AJAP1: variants seen among roughly 807,000 people sequenced by gnomAD.
The protein encoded by AJAP1 is adherens junction-associated protein 1.
Under a neutral mutation model 35.0 loss-of-function variants are expected in AJAP1, and 5 were observed. The ratio of observed to expected loss-of-function variants is 0.14; its 90% CI spans 0.07 to 0.30. The LOEUF is 0.30. AJAP1 is among the 10% of genes least tolerant of loss of function. The probability of loss-of-function intolerance (pLI) is 1.00; values close to 1 mark genes in which losing one functional copy is unlikely to be tolerated. For synonymous variants in AJAP1, 284 were observed against 249.3 expected, an observed-to-expected ratio of 1.14 and a Z score of -1.31; for missense variants, 586 against 571.0, an observed-to-expected ratio of 1.03 and a Z score of -0.27.
intron 2 of AJAP1, among the ~76,000 whole-genome samples, chr1:4,765,387 G>T (rs1356144237): frequency 2.0e-5 from 3 of 152,068 alleles, no homozygotes; most frequent in South Asian, 2.1e-4. Context: ...GGGCAGCAGG[G>T]TTTATGGGAC....
intron 1 of AJAP1, among the ~76,000 whole-genome samples, chr1:4,691,848 C>T (rs1466498570): frequency 1.3e-5 from 2 of 152,158 alleles, no homozygotes; most frequent in Non-Finnish European, 2.9e-5. Flanking sequence ...GACCGCCTGG[C>T]AGGGAGCCCT....
intron 1 of AJAP1, among the ~76,000 whole-genome samples, chr1:4,696,499 A>G (rs544553883): frequency 1.3e-5 from 2 of 152,294 alleles, no homozygotes; most frequent in Non-Finnish European, 2.9e-5. Context: ...CTTCATCCCC[A>G]TGCTGACGGG....
chr1:4,762,072 C>A (rs1173234794), intron 2 of AJAP1, among the ~76,000 whole-genome samples: 4 of 152,204 alleles, frequency 2.6e-5, no homozygotes, highest in Non-Finnish European at 5.9e-5. Flanking sequence ...TGAAATTATA[C>A]ATAATCTTCA....
intron 1 of AJAP1, among the ~76,000 whole-genome samples, chr1:4,690,407 A>G (rs1396134607): frequency 6.6e-6 from 1 of 152,108 alleles, no homozygotes; most frequent in Non-Finnish European, 1.5e-5. Context: ...TGGAATGGCC[A>G]CTGGCAGCCC....
At chr1:4,674,830 G>T (rs769907042) in intron 1 of AJAP1, among the ~76,000 whole-genome samples, 2 of 152,238 alleles carry the variant, frequency 1.3e-5, no homozygotes, top group African/African-American at 4.8e-5. Context: ...CCATGCAAAC[G>T]AAAGCCTTGC....
chr1:4,760,758 G>A (rs1361917963), intron 2 of AJAP1, among the ~76,000 whole-genome samples: 1 of 152,190 alleles, frequency 6.6e-6, no homozygotes. Flanking sequence ...TTGCCACAAG[G>A]GGCGAATATG....
intron 2 of AJAP1, among the ~76,000 whole-genome samples, chr1:4,747,057 C>G (rs778635648): frequency 6.6e-6 from 1 of 152,222 alleles, no homozygotes; most frequent in Non-Finnish European, 1.5e-5. Flanking sequence ...CGCCACTGTC[C>G]CAGCCTCCAT....
At chr1:4,716,432 C>G (rs981566028) in intron 2 of AJAP1, among the ~76,000 whole-genome samples, 12 of 152,128 alleles carry the variant, frequency 7.9e-5, no homozygotes, top group Non-Finnish European at 1.8e-4. Context: ...GTGCCAAGTA[C>G]TCAGTGCCTG....
chr1:4,668,283 G>A (rs1443994296), intron 1 of AJAP1, among the ~76,000 whole-genome samples: 1 of 151,920 alleles, frequency 6.6e-6, no homozygotes, highest in African/African-American at 2.4e-5. Context: ...TGTATTTGAA[G>A]CTAAAAGCCC....
At chr1:4,687,358 C>T (rs1385849485) in intron 1 of AJAP1, among the ~76,000 whole-genome samples, 1 of 152,076 alleles carries the variant, frequency 6.6e-6, no homozygotes, top group African/African-American at 2.4e-5. Flanking sequence ...TTCCCTTAAG[C>T]GGAGTGTAAA....
intron 1 of AJAP1, among the ~76,000 whole-genome samples, chr1:4,689,862 G>A (rs528943274): frequency 6.6e-6 from 1 of 152,342 alleles, no homozygotes; most frequent in East Asian, 1.9e-4. Context: ...CAGCAGAGGG[G>A]ATGAGAGCCT....
intron 1 of AJAP1, among the ~76,000 whole-genome samples, chr1:4,682,669 G>A (rs570340827): frequency 3.9e-5 from 6 of 152,330 alleles, no homozygotes; most frequent in Admixed American, 1.3e-4. Context: ...ACATGAATGT[G>A]ATGATGGTGA....
chr1:4,745,573 TCA>T (rs1641169740), intron 2 of AJAP1, among the ~76,000 whole-genome samples: 1 of 152,200 alleles, frequency 6.6e-6, no homozygotes, highest in African/African-American at 2.4e-5. Context: ...CCTCTGCTGT[TCA>T]CAGTGCCCTT....
Position 4,656,182 on chromosome 1 carries a change from G to C in AJAP1, c.29+728G>C, listed in dbSNP as rs1316126556. ...TGGGACTCCAGGGCCAGATGGAAGAGGGGGTTCGAGCCTAGAGCCCGTGGT... is the reference window on the plus strand; with the variant it reads ...TGGGACTCCAGGGCCAGATGGAAGACGGGGTTCGAGCCTAGAGCCCGTGGT... On this transcript the variant is annotated intron_variant, in intron 1 of 5. Transcript: ENST00000378191. The surrounding 1 kb of genome is among the most constrained non-coding windows in gnomAD (Gnocchi z 5.7). Among the ~76,000 whole-genome samples the C allele has an allele frequency of 6.6e-6, 1 of 152,190 alleles. No homozygotes were observed. Among genetic ancestry groups the C allele is most frequent in the Non-Finnish European group, 1.5e-5 (1 of 68,032 alleles).
At chr1:4,672,850 A>G (rs1320451192) in intron 1 of AJAP1, among the ~76,000 whole-genome samples, 1 of 152,196 alleles carries the variant, frequency 6.6e-6, no homozygotes, top group Non-Finnish European at 1.5e-5. Context: ...ATCATCCTCA[A>G]TTATTCCCAG....
At chr1:4,755,086 G>A (rs1405388584) in intron 2 of AJAP1, among the ~76,000 whole-genome samples, 1 of 152,154 alleles carries the variant, frequency 6.6e-6, no homozygotes, top group Non-Finnish European at 1.5e-5. Flanking sequence ...GCCGTGGTTG[G>A]GTGGCACTGC....
At position 4,782,676 on chromosome 1, in the gene AJAP1, G is replaced by A. The variant is rs41313428; in HGVS notation, c.*191G>A. The A allele has an allele frequency of 3.1e-3, 1,216 of 398,504 alleles. 5 individuals are homozygous for A. The highest frequency in any genetic ancestry group is 4.4e-3 in the Non-Finnish European group (997 of 226,026). 24.7% of individuals were successfully genotyped at this position (398,504 alleles called of 1,614,324 possible). A position where few individuals can be genotyped will look rare whatever the true frequency, so the allele number is the denominator to read the frequency against. ...TGTTTGCCGGTGGGAAACTCACAGAGCAGGACGCTCTAGGCCAAATCTATT... is the reference window on the plus strand; with the variant it reads ...TGTTTGCCGGTGGGAAACTCACAGAACAGGACGCTCTAGGCCAAATCTATT... On this transcript the variant is annotated 3_prime_UTR_variant, in exon 6 of 6. Transcript: ENST00000378191. The surrounding 1 kb of genome is among the most constrained non-coding windows in gnomAD (Gnocchi z 5.3).
intron 2 of AJAP1, among the ~76,000 whole-genome samples, chr1:4,724,556 GC>G (rs1189840541): frequency 6.6e-6 from 1 of 152,056 alleles, no homozygotes; most frequent in African/African-American, 2.4e-5. Flanking sequence ...CTCCTCCCCA[GC>G]CCCTCGCCAA....
intron 1 of AJAP1, among the ~76,000 whole-genome samples, chr1:4,710,511 G>A (rs957550253): frequency 6.6e-6 from 1 of 152,112 alleles, no homozygotes; most frequent in Admixed American, 6.5e-5. Context: ...ACACACTTGC[G>A]TGCACGCATT....
Sources: allele counts gnomAD v4.1 joint callset (sites outside exome capture counted in the v4.1 genomes callset), GRCh38; gene constraint gnomAD v4.1.1; non-coding constraint Gnocchi (gnomAD v3.1); transcripts MANE v1.5; gene names NCBI Gene and HGNC (gene_info 2026-07-23, HGNC 2026-07-21).